NME1: variants seen among roughly 807,000 people sequenced by gnomAD.
NME1 encodes nucleoside diphosphate kinase A.
Under a neutral mutation model 17.2 loss-of-function variants are expected in NME1, and 9 were observed. That is an observed-to-expected ratio of 0.52 (90% CI 0.32 to 0.92). The LOEUF is 0.92. Ranked by LOEUF, NME1 falls within the 40% of genes least tolerant of loss-of-function variation. The pLI, the probability that NME1 is intolerant of heterozygous loss-of-function variation, is 0.04. For synonymous variants in NME1, 72 were observed against 70.8 expected (o/e 1.02, Z -0.09); for missense variants, 169 against 201.7 (o/e 0.84, Z 0.98).
At chr17:51,154,016 C>A in intron 1 of NME1, 1 of 311,902 alleles carries the variant, frequency 3.2e-6, no homozygotes, top group African/African-American at 2.1e-5. Context: ...TGAGTGCTTA[C>A]TGTTGTGTCA....
At position 51,161,757 on chromosome 17, in the gene NME1, A is replaced by G; in HGVS notation, c.371A>G (p.Glu124Gly). The G allele has an allele frequency of 1.2e-6, 2 of 1,613,902 alleles. No homozygotes were observed. The highest frequency in any genetic ancestry group is 1.7e-6 in the Non-Finnish European group (2 of 1,179,760). The change falls in exon 5 of 5, where the codon GAG becomes GGG. Residue 124 changes from glutamate (E) to glycine (G), a missense_variant. Glu to Gly is a moderately conservative substitution (Grantham distance 98). Coordinates refer to ENST00000393196, the MANE Select transcript of NME1 (RefSeq NM_000269.3). ...RNIIHGSDSVESAEKEIGLWF... is the reference protein window; with the variant it reads ...RNIIHGSDSVGSAEKEIGLWF... ...ATTATACATGGCAGTGATTCTGTGG[A>G]GAGTGCAGAGAAGGAGATCGGCTTG...
chr17:51,156,492 G>C (rs967168814), intron 2 of NME1: 1 of 153,684 alleles, frequency 6.5e-6, no homozygotes, highest in African/African-American at 2.4e-5. Flanking sequence ...TTCAAGACCA[G>C]CCTGGCCAAC....
intron 3 of NME1, chr17:51,160,421 AGGGTG>A: frequency 2.6e-6 from 1 of 387,560 alleles, no homozygotes; most frequent in South Asian, 2.1e-5. Context: ...CAAAGGTCCC[AGGGTG>A]GGAATGAGCT....
chr17:51,159,852 G>A, intron 2 of NME1, 128 bp from the exon 3 acceptor site: 10 of 1,024,494 alleles, frequency 9.8e-6, no homozygotes, highest in South Asian at 1.3e-5. Flanking sequence ...GAATGAATTG[G>A]GTTATAACAG....
At chr17:51,161,594 AG>A (rs1425936413) in intron 4 of NME1, 133 bp from the exon 5 acceptor site, 1 of 813,086 alleles carries the variant, frequency 1.2e-6, no homozygotes, top group Non-Finnish European at 2.1e-6. Context: ...TGGCCATTGT[AG>A]GCTTTTTCTT....
rs1416998310 is a variant in NME1, at chr17:51,162,030, C to G, written c.*185C>G. 3 of 581,600 alleles carry G rather than the reference C, an allele frequency of 5.2e-6. No individual in the cohort carries two copies. The highest frequency in any genetic ancestry group is 9.3e-6 in the Non-Finnish European group (3 of 323,782). 36.0% of individuals were successfully genotyped at this position (581,600 alleles called of 1,614,324 possible). On this transcript the variant is annotated 3_prime_UTR_variant, in exon 5 of 5. Coordinates refer to ENST00000393196, the MANE Select transcript of NME1 (RefSeq NM_000269.3). ...GACCATCTGATTAAAATGCTTCCTC[C>G]CAGCATAGGATTCATTGAGTTGGTT...
chr17:51,154,175 A>C, intron 1 of NME1: 2 of 460,338 alleles, frequency 4.3e-6, no homozygotes, highest in South Asian at 3.1e-5. Flanking sequence ...TTTTTTTTGG[A>C]AGTTGCAGAA....
rs905458483 is a variant in NME1 at position 51,155,922 on chromosome 17, A to G, written c.126+142A>G. On this transcript the variant is annotated intron_variant, in intron 2 of 4. Transcript: ENST00000393196. ...GTGTCTTGAGACCTGGAAACTCCTC[A>G]GTGCCCTAGCGTTTGGCTACATCTT... 16 of 1,364,684 alleles carry G rather than the reference A, an allele frequency of 1.2e-5. No homozygotes were observed. In the South Asian group the frequency reaches 1.5e-4, roughly 13 times the overall value. The allele number at this position is 1,364,684 out of a possible 1,614,324, so 84.5% of individuals were successfully genotyped here.
rs1056248220 is a variant in NME1 at position 51,162,009 on chromosome 17, A to C, written c.*164A>C. Reference sequence around the variant, plus strand: ...CTGTACAGTGTTACCATCCCCGACCATCTGATTAAAATGCTTCCTCCCAGC... The same window carrying C: ...CTGTACAGTGTTACCATCCCCGACCCTCTGATTAAAATGCTTCCTCCCAGC... On this transcript the variant is annotated 3_prime_UTR_variant, in exon 5 of 5. Coordinates refer to ENST00000393196, the MANE Select transcript of NME1 (RefSeq NM_000269.3). 1.6e-6 allele frequency: 1 copy of C among 609,072 alleles called. No homozygotes were observed. Among genetic ancestry groups the C allele is most frequent in the Non-Finnish European group, 3.0e-6 (1 of 338,662 alleles). 37.7% of individuals were successfully genotyped at this position (609,072 alleles called of 1,614,324 possible).
At chr17:51,159,737 T>G (rs1023574131) in intron 2 of NME1, among the ~76,000 whole-genome samples, 6 of 152,158 alleles carry the variant, frequency 3.9e-5, no homozygotes, top group African/African-American at 1.2e-4. Context: ...TGGATTTAAT[T>G]TTAATGTTCT....
In NME1 at chr17:51,161,839, T is replaced by C. The variant is rs1295858863; in HGVS notation, c.453T>C (p.Tyr151=). The change falls in exon 5 of 5, where the codon TAT becomes TAC. Residue 151 remains tyrosine (Y), a synonymous_variant. Transcript: ENST00000393196. The part of the protein sequence containing the change: ...DYTSCAQNWI[Y]E ...CGAGCTGTGCTCAGAACTGGATCTATGAATGACAGGAGGGCAGACCACATT... is the reference window on the plus strand; with the variant it reads ...CGAGCTGTGCTCAGAACTGGATCTACGAATGACAGGAGGGCAGACCACATT... 6.9e-6 allele frequency: 11 copies of C among 1,605,678 alleles called. No homozygotes were observed. Among genetic ancestry groups the C allele is most frequent in the Non-Finnish European group, 9.4e-6 (11 of 1,172,524 alleles).
rs983085641 is a variant in NME1 at position 51,155,667 on chromosome 17, G to A, written c.13G>A (p.Glu5Lys). Residue 5 changes from glutamate (E) to lysine (K), a missense_variant, in exon 2 of 5, where the codon GAG becomes AAG. Transcript: ENST00000393196. The part of the protein sequence containing the change: MANC[E>K]RTFIAIKPDG... Reference sequence around the variant, plus strand: ...TATCCCCAGAACCATGGCCAACTGTGAGCGTACCTTCATTGCGATCAAACC... The same window carrying A: ...TATCCCCAGAACCATGGCCAACTGTAAGCGTACCTTCATTGCGATCAAACC... 5 of 1,613,894 alleles carry A rather than the reference G, an allele frequency of 3.1e-6. No individual in the cohort carries two copies. The highest frequency in any genetic ancestry group is 3.4e-6 in the Non-Finnish European group (4 of 1,179,954).
At chr17:51,158,129 AT>A (rs2049813581) in intron 2 of NME1, among the ~76,000 whole-genome samples, 1 of 152,266 alleles carries the variant, frequency 6.6e-6, no homozygotes, top group East Asian at 1.9e-4. Context: ...AAAATACAAA[AT>A]TTAGCTGGGT....
chr17:51,154,213 A>T, intron 1 of NME1: 3 of 635,306 alleles, frequency 4.7e-6, no homozygotes, highest in Non-Finnish European at 2.9e-6. Flanking sequence ...CTTTGCTCCT[A>T]TTGACTGCTA....
intron 3 of NME1, chr17:51,160,722 G>C (rs2049852818): frequency 3.3e-6 from 1 of 302,274 alleles, no homozygotes; most frequent in African/African-American, 2.2e-5. Context: ...CCATTCTCCT[G>C]CCTTAGCCTC....
At chr17:51,159,342 C>T (rs1383021917) in intron 2 of NME1, among the ~76,000 whole-genome samples, 12 of 152,118 alleles carry the variant, frequency 7.9e-5, no homozygotes, top group Admixed American at 7.2e-4. Context: ...GGCTTACGCC[C>T]GTAGTCCCGG....
chr17:51,158,285 A>C (rs1247624619), intron 2 of NME1, among the ~76,000 whole-genome samples: 1 of 152,060 alleles, frequency 6.6e-6, no homozygotes, highest in Non-Finnish European at 1.5e-5. Flanking sequence ...GTCTCAAAAA[A>C]AGATAATTAG....
chr17:51,161,826 A>C lies in NME1; in HGVS notation c.440A>C (p.Gln147Pro). 1.2e-6 allele frequency: 2 copies of C among 1,612,564 alleles called. No homozygotes were observed. Among genetic ancestry groups the C allele is most frequent in the Non-Finnish European group, 1.7e-6 (2 of 1,178,608 alleles). Residue 147 changes from glutamine (Q) to proline (P), a missense_variant, in exon 5 of 5, where the codon CAG becomes CCG. By Grantham distance (76) the Gln-to-Pro change is moderately conservative. Coordinates refer to ENST00000393196, the MANE Select transcript of NME1 (RefSeq NM_000269.3). ...CTGGTAGATTACACGAGCTGTGCTC[A>C]GAACTGGATCTATGAATGACAGGAG... ...EELVDYTSCA[Q>P]NWIYE is the part of the protein sequence containing the mutation.
Position 51,159,934 on chromosome 17 carries a change from C to T in NME1, c.127-46C>T, listed in dbSNP as rs776528879. On this transcript the variant is annotated intron_variant, in intron 2 of 4. Transcript: ENST00000393196. ...GGGGAAATTAAATGGATTATATGTC[C>T]TTAGATGGTTTGGGGGTTATTCTCA... is the stretch of plus-strand genomic sequence containing the variant. 3.1e-6 allele frequency: 5 copies of T among 1,607,724 alleles called. No homozygotes were observed. In the South Asian group the frequency reaches 4.4e-5, roughly 14 times the overall value.
Sources: gnomAD v4.1 joint callset for allele counts (sites outside exome capture counted in the v4.1 genomes callset) on GRCh38, gnomAD v4.1.1 for gene constraint, MANE v1.5 for transcripts, NCBI Gene and HGNC (gene_info 2026-07-23, HGNC 2026-07-21) for gene names.